Variants in ARL15 observed in about 807,000 individuals in gnomAD.
ARL15 encodes the protein ADP-ribosylation factor-like protein 15.
Under a neutral mutation model 25.2 loss-of-function variants are expected in ARL15, and 19 were observed. The ratio of observed to expected loss-of-function variants is 0.75; its 90% CI spans 0.53 to 1.10. ARL15 has a LOEUF of 1.10. Ranked by LOEUF, ARL15 falls within the 50% of genes least tolerant of loss-of-function variation. The probability of loss-of-function intolerance (pLI) is 0.00; values close to 1 mark genes in which losing one functional copy is unlikely to be tolerated. For missense variants in ARL15, 220 were observed against 246.0 expected (o/e 0.89, Z 0.71); for synonymous variants, 94 against 86.8 (o/e 1.08, Z -0.46).
At chr5:54,069,367 T>TG (rs1751344179) in intron 4 of ARL15, among the ~76,000 whole-genome samples, 1 of 151,980 alleles carries the variant, frequency 6.6e-6, no homozygotes, top group Non-Finnish European at 1.5e-5. Flanking sequence ...GGTCAGGAGT[T>TG]GGAGACCAGC....
At chr5:54,202,577 G>A (rs11743996) in intron 1 of ARL15, among the ~76,000 whole-genome samples, 20,807 of 152,076 alleles carry the variant, frequency 0.14, 1,823 homozygotes, top group Non-Finnish European at 0.21. Context: ...TCATCCTGGT[G>A]AGACCCATTT....
chr5:54,124,659 T>TA (rs943188104), intron 3 of ARL15, among the ~76,000 whole-genome samples: 1 of 152,172 alleles, frequency 6.6e-6, no homozygotes, highest in African/African-American at 2.4e-5. Context: ...AATAGATATA[T>TA]AAAAAACTTT....
At chr5:53,942,115 A>T (rs1415989236) in intron 4 of ARL15, among the ~76,000 whole-genome samples, 1 of 151,784 alleles carries the variant, frequency 6.6e-6, no homozygotes, top group African/African-American at 2.4e-5. Flanking sequence ...GTAATACTGT[A>T]GGTTCAGGAT....
At position 53,970,830 on chromosome 5, in the gene ARL15, A is replaced by G. The variant is rs375729245; in HGVS notation, c.463-84117T>C. On this transcript the variant is annotated intron_variant, in intron 4 of 4. Transcript: ENST00000504924. ...AGACAAGGGATTAATTGGAATGATCACAAATGCATTCCTTCTGAATAAATG... is the reference window on the plus strand; with the variant it reads ...AGACAAGGGATTAATTGGAATGATCGCAAATGCATTCCTTCTGAATAAATG... Among the ~76,000 whole-genome samples, 137 of 152,376 alleles carry G rather than the reference A, an allele frequency of 9.0e-4. 2 individuals carry two copies. The highest frequency in any genetic ancestry group is 3.1e-3 in the African/African-American group (128 of 41,594).
chr5:54,299,584 CTTTT>C (rs752417066), intron 1 of ARL15, among the ~76,000 whole-genome samples: 12 of 79,546 alleles, frequency 1.5e-4, no homozygotes, highest in South Asian at 5.4e-4. Context: ...TAGCTATTAG[CTTTT>C]TTTTTTTTTT....
chr5:54,203,946 G>C (rs1278194517), intron 1 of ARL15, among the ~76,000 whole-genome samples: 2 of 152,112 alleles, frequency 1.3e-5, no homozygotes, highest in East Asian at 3.9e-4. Context: ...AATAGTCCCT[G>C]AGGGTTGTTT....
chr5:54,004,789 C>T (rs1050511446), intron 4 of ARL15, among the ~76,000 whole-genome samples: 1 of 149,458 alleles, frequency 6.7e-6, no homozygotes, highest in African/African-American at 2.5e-5. Context: ...GTGTGTGTGC[C>T]TGTGTGTGTG....
At chr5:54,120,702 A>G (rs76789928) in intron 3 of ARL15, among the ~76,000 whole-genome samples, 2,138 of 152,330 alleles carry the variant, frequency 0.014, 27 homozygotes, top group Non-Finnish European at 0.022. Context: ...GACACAAAAA[A>G]CAAAACACTT....
At chr5:54,302,034 G>C (rs543626702) in intron 1 of ARL15, among the ~76,000 whole-genome samples, 12 of 152,308 alleles carry the variant, frequency 7.9e-5, no homozygotes, top group African/African-American at 2.9e-4. Flanking sequence ...CTGAAGGAGA[G>C]AGTGGGTAAT....
intron 4 of ARL15, among the ~76,000 whole-genome samples, chr5:54,021,533 A>G (rs1371320226): frequency 6.6e-6 from 1 of 152,220 alleles, no homozygotes; most frequent in Admixed American, 6.5e-5. Context: ...CAAAAGAATC[A>G]GCGTACCTGA....
intron 4 of ARL15, chr5:53,951,528 T>C: frequency 2.1e-6 from 1 of 471,610 alleles, no homozygotes; most frequent in Non-Finnish European, 4.4e-6. Context: ...GTAGGTATTC[T>C]TTGTGTTCTT....
At chr5:54,203,356 T>G (rs944611373) in intron 1 of ARL15, among the ~76,000 whole-genome samples, 2 of 152,152 alleles carry the variant, frequency 1.3e-5, no homozygotes, top group Non-Finnish European at 2.9e-5. Context: ...ATTAACTATA[T>G]AGCATATCGC....
chr5:54,308,586 T>C (rs1387185402), intron 1 of ARL15, among the ~76,000 whole-genome samples: 3 of 152,148 alleles, frequency 2.0e-5, no homozygotes, highest in African/African-American at 7.2e-5. Context: ...TTGTGACCTG[T>C]TGATTTTGAC....
At chr5:54,024,236 T>C (rs1579710847) in intron 4 of ARL15, among the ~76,000 whole-genome samples, 2 of 152,228 alleles carry the variant, frequency 1.3e-5, no homozygotes, top group African/African-American at 4.8e-5. Flanking sequence ...AATGCAACCA[T>C]GGAGAAAACT....
At chr5:54,176,357 A>G (rs547982187) in intron 1 of ARL15, among the ~76,000 whole-genome samples, 5 of 152,358 alleles carry the variant, frequency 3.3e-5, no homozygotes, top group Middle Eastern at 3.4e-3. Context: ...GCTACTTCCA[A>G]TGGGGAAGGA....
chr5:53,991,614 C>T (rs941289025), intron 4 of ARL15, among the ~76,000 whole-genome samples: 1 of 150,320 alleles, frequency 6.7e-6, no homozygotes, highest in Non-Finnish European at 1.5e-5. Context: ...GGCTCTGTAG[C>T]TGACCCTATC....
chr5:54,274,124 C>T (rs1460516964), intron 1 of ARL15, among the ~76,000 whole-genome samples: 1 of 152,096 alleles, frequency 6.6e-6, no homozygotes, highest in Non-Finnish European at 1.5e-5. Flanking sequence ...AGTCTAGTTC[C>T]TGGCTTGGCA....
At chr5:53,922,725 T>C (rs947131244) in intron 4 of ARL15, among the ~76,000 whole-genome samples, 8 of 152,182 alleles carry the variant, frequency 5.3e-5, no homozygotes, top group East Asian at 1.9e-4. Context: ...TAGTGATGTA[T>C]TGATGGAATA....
rs866222869 is a variant in ARL15, at chr5:54,071,516, C to G, written c.462+41686G>C. ...CTCTCTCTTCCACCGCCTTTCCCCC[C>G]CCCCCCCCCGCAAAGCCAGACCCAA... On this transcript the variant is annotated intron_variant, in intron 4 of 4. Transcript: ENST00000504924. 1.8e-4 allele frequency among the ~76,000 whole-genome samples: 20 copies of G among 109,028 alleles called. No homozygotes were observed. The East Asian group carries it at 2.4e-3, about 13-fold the overall frequency. 71.5% of individuals were successfully genotyped at this position (109,028 alleles called of 152,430 possible).
Sources: gnomAD v4.1 joint callset for allele counts (sites outside exome capture counted in the v4.1 genomes callset) on GRCh38, gnomAD v4.1.1 for gene constraint, MANE v1.5 for transcripts, NCBI Gene and HGNC (gene_info 2026-07-23, HGNC 2026-07-21) for gene names.